TGFA: variants seen among roughly 807,000 people sequenced by gnomAD.
TGFA encodes the protein transforming growth factor alpha, also known as protransforming growth factor alpha.
TGFA carries 12 observed loss-of-function variants against 21.7 expected under a neutral mutation model. That is an observed-to-expected ratio of 0.55 (90% CI 0.35 to 0.90). The LOEUF is 0.90. Among genes scored for constraint, TGFA ranks in the 40% least tolerant of loss-of-function variants. TGFA has a pLI of 0.01. For missense variants in TGFA, 178 were observed against 210.8 expected, an observed-to-expected ratio of 0.84 and a Z score of 0.96; for synonymous variants, 79 against 88.1, an observed-to-expected ratio of 0.90 and a Z score of 0.58.
chr2:70,473,801 C>G (rs1670846049), intron 2 of TGFA, among the ~76,000 whole-genome samples: 1 of 152,040 alleles, frequency 6.6e-6, no homozygotes, highest in Non-Finnish European at 1.5e-5. Flanking sequence ...CAGAGTTTAG[C>G]CTGCAGTACC....
chr2:70,520,392 G>A (rs1672409790), intron 1 of TGFA, among the ~76,000 whole-genome samples: 1 of 130,424 alleles, frequency 7.7e-6, no homozygotes, highest in Admixed American at 8.1e-5. Flanking sequence ...GTGGGCATCT[G>A]TAATACCAGC....
chr2:70,456,391 C>A lies in TGFA; in HGVS notation c.313G>T (p.Val105Leu), dbSNP rs527352558. The A allele has an allele frequency of 1.3e-6, 2 of 1,582,076 alleles. No homozygotes were observed. The highest frequency in any genetic ancestry group is 3.6e-5 in the Admixed American group (2 of 55,910). ...ACAGCCAGGGCCACGATGGAGACCA[C>A]CACCAAGGCGGTGATGGCCTGCTTC... ...QKKQAITALV[V>L]VSIVALAVLI... Residue 105 changes from valine (V) to leucine (L), a missense_variant, in exon 4 of 6, where the codon GTG becomes TTG. By Grantham distance (32) the Val-to-Leu change is conservative. Coordinates refer to ENST00000295400, the MANE Select transcript of TGFA (RefSeq NM_003236.4).
intron 1 of TGFA, among the ~76,000 whole-genome samples, chr2:70,522,838 T>C (rs1672514129): frequency 6.6e-6 from 1 of 152,184 alleles, no homozygotes. Flanking sequence ...ATTCAACAAG[T>C]GCTCACTGAG....
chr2:70,529,359 G>A (rs1672741967), intron 1 of TGFA, among the ~76,000 whole-genome samples: 1 of 152,238 alleles, frequency 6.6e-6, no homozygotes. Context: ...GAATCTAGGT[G>A]ATTTCCATCT....
At chr2:70,467,927 G>C (rs1437135285) in intron 2 of TGFA, among the ~76,000 whole-genome samples, 8 of 152,166 alleles carry the variant, frequency 5.3e-5, no homozygotes, top group Non-Finnish European at 8.8e-5. Context: ...TCAGAGGCAC[G>C]GGTTTGAATC....
chr2:70,550,019 C>T (rs1673438741), intron 1 of TGFA, among the ~76,000 whole-genome samples: 1 of 152,218 alleles, frequency 6.6e-6, no homozygotes, highest in Non-Finnish European at 1.5e-5. Context: ...CTCTGAAAGA[C>T]ATCACGTCCA....
chr2:70,480,738 T>G (rs532860997), intron 2 of TGFA, among the ~76,000 whole-genome samples: 204 of 152,308 alleles, frequency 1.3e-3, no homozygotes, highest in Non-Finnish European at 2.3e-3. Flanking sequence ...TATTTTTGCA[T>G]GCTCAAAGAG....
intron 2 of TGFA, among the ~76,000 whole-genome samples, chr2:70,504,848 G>A (rs904048358): frequency 5.3e-5 from 8 of 152,120 alleles, no homozygotes; most frequent in Admixed American, 6.5e-5. Context: ...TGTTTTTGAA[G>A]CATAGTGGTG....
intron 1 of TGFA, among the ~76,000 whole-genome samples, chr2:70,533,845 TAA>T (rs1223991730): frequency 6.6e-6 from 1 of 151,976 alleles, no homozygotes; most frequent in Non-Finnish European, 1.5e-5. Context: ...GTCCTTTAAA[TAA>T]GAGACAGATG....
chr2:70,521,617 G>GTTTTTTTTTTTTTTT (rs35177436), intron 1 of TGFA, among the ~76,000 whole-genome samples: 95 of 87,080 alleles, frequency 1.1e-3, no homozygotes, highest in South Asian at 1.5e-3. Flanking sequence ...TTGTTTGTTT[G>GTTTTTTTTTTTTTTT]TTTTTTTTTT....
chr2:70,453,399 TAGGGGCCTGCTGGGC>T, intron 4 of TGFA, 72 bp from the exon 5 acceptor site: 1 of 1,387,504 alleles, frequency 7.2e-7, no homozygotes, highest in Non-Finnish European at 1.0e-6. Context: ...GCATCTGCCC[TAGGGGCCTGCTGGGC>T]AGCTCCAGCT....
chr2:70,553,565 C>T, intron 1 of TGFA, 163 bp downstream of exon 1: 1 of 1,328,774 alleles, frequency 7.5e-7, no homozygotes, highest in South Asian at 2.2e-5. Context: ...CTTTGTCATT[C>T]TTAATGACTC....
At chr2:70,521,609 G>GTTTTTTTTTTTTTTTTTTTTTTTTTTT (rs797022948) in intron 1 of TGFA, among the ~76,000 whole-genome samples, 13 of 78,890 alleles carry the variant, frequency 1.6e-4, no homozygotes, top group East Asian at 4.0e-4. Context: ...TTTTGTTGTT[G>GTTTTTTTTTTTTTTTTTTTTTTTTTTT]TTTGTTTGTT....
intron 1 of TGFA, among the ~76,000 whole-genome samples, chr2:70,522,767 T>G (rs1672512095): frequency 6.6e-6 from 1 of 152,192 alleles, no homozygotes; most frequent in Non-Finnish European, 1.5e-5. Flanking sequence ...GGTTTGTTAC[T>G]TAAGTAGACG....
chr2:70,503,191 T>C (rs568603584), intron 2 of TGFA, among the ~76,000 whole-genome samples: 5 of 152,038 alleles, frequency 3.3e-5, no homozygotes, highest in Non-Finnish European at 7.4e-5. Flanking sequence ...CCAACAATGA[T>C]AGACTGGATT....
intron 1 of TGFA, among the ~76,000 whole-genome samples, chr2:70,541,745 A>G (rs1673136703): frequency 6.6e-6 from 1 of 152,128 alleles, no homozygotes. Flanking sequence ...CCAGATCCAG[A>G]AGGATTCTCC....
intron 3 of TGFA, among the ~76,000 whole-genome samples, chr2:70,461,478 T>C (rs890474113): frequency 1.2e-4 from 18 of 152,244 alleles, no homozygotes; most frequent in Non-Finnish European, 2.5e-4. Context: ...TGGAAGGGTC[T>C]GTGGCCAGGG....
At chr2:70,471,185 G>C (rs1371754587) in intron 2 of TGFA, among the ~76,000 whole-genome samples, 1 of 149,692 alleles carries the variant, frequency 6.7e-6, no homozygotes, top group Admixed American at 6.8e-5. Context: ...GCAGGGTGCT[G>C]TCCTGCCCCC....
At chr2:70,470,608 A>C (rs1553493033) in intron 2 of TGFA, among the ~76,000 whole-genome samples, 1 of 152,190 alleles carries the variant, frequency 6.6e-6, no homozygotes, top group Non-Finnish European at 1.5e-5. Context: ...TTCACTTCAC[A>C]CAGCTCACTA....
Sources: allele counts gnomAD v4.1 joint callset (sites outside exome capture counted in the v4.1 genomes callset), GRCh38; gene constraint gnomAD v4.1.1; transcripts MANE v1.5; gene names NCBI Gene and HGNC (gene_info 2026-07-23, HGNC 2026-07-21).